SNAP91: variants seen among roughly 807,000 people sequenced by gnomAD.
SNAP91 encodes clathrin coat assembly protein AP180.
SNAP91 carries 27 observed loss-of-function variants against 100.3 expected under a neutral mutation model. The ratio of observed to expected loss-of-function variants is 0.27; its 90% CI spans 0.20 to 0.37. SNAP91 has a LOEUF of 0.37. Among genes scored for constraint, SNAP91 ranks in the 10% least tolerant of loss-of-function variants. The pLI is 1.00. For missense variants in SNAP91, 986 were observed against 1,123.7 expected (o/e 0.88, Z 1.75); for synonymous variants, 404 against 398.6 (o/e 1.01, Z -0.16).
chr6:83,580,481 A>T lies in SNAP91; in HGVS notation c.2268T>A (p.Asp756Glu), dbSNP rs747447845. The change falls in exon 24 of 30, where the codon GAT becomes GAA. Residue 756 changes from aspartate (D) to glutamate (E), a missense_variant. Physicochemically the swap from Asp to Glu is conservative, Grantham distance 45 (BLOSUM62 2). Coordinates refer to ENST00000369694, the MANE Select transcript of SNAP91 (RefSeq NM_001242792.2). Reference sequence around the variant, plus strand: ...CTAAGCTGGCAAGAGATGAATCAAGATCACTTCCAAGGGCTTTGCTGGCTG... The same window carrying T: ...CTAAGCTGGCAAGAGATGAATCAAGTTCACTTCCAAGGGCTTTGCTGGCTG... ...AMAASKALGS[D>E]LDSSLASLVG... 1 of 1,613,528 alleles carries T rather than the reference A, an allele frequency of 6.2e-7. No individual in the cohort carries two copies. Among genetic ancestry groups the T allele is most frequent in the Admixed American group, 1.7e-5 (1 of 59,986 alleles).
intron 2 of SNAP91, among the ~76,000 whole-genome samples, chr6:83,699,786 G>A (rs761971993): frequency 5.9e-5 from 9 of 152,152 alleles, no homozygotes; most frequent in East Asian, 1.9e-4. Context: ...TGCAGCCCCC[G>A]TCAAACAAAG....
chr6:83,575,145 GCAAA>G, intron 25 of SNAP91, 24 bp from the exon 26 acceptor site: 1 of 1,508,064 alleles, frequency 6.6e-7, no homozygotes, highest in Non-Finnish European at 9.1e-7. Flanking sequence ...TGCAAAACAA[GCAAA>G]CAAACAAAAA....
chr6:83,683,043 C>A (rs1178018654), intron 2 of SNAP91, among the ~76,000 whole-genome samples: 1 of 152,090 alleles, frequency 6.6e-6, no homozygotes, highest in Non-Finnish European at 1.5e-5. Flanking sequence ...AATGCCAAAA[C>A]CAATGGGCAC....
chr6:83,706,620 A>AT (rs2099386627), intron 2 of SNAP91, among the ~76,000 whole-genome samples: 1 of 152,252 alleles, frequency 6.6e-6, no homozygotes, highest in South Asian at 2.1e-4. Context: ...GCTTATGCAG[A>AT]TAATAGGGCT....
In SNAP91 at chr6:83,553,393, C is replaced by T; in HGVS notation, c.*903G>A. 1 of 152,254 alleles carries T rather than the reference C, an allele frequency of 6.6e-6. No homozygotes were observed. Among genetic ancestry groups the T allele is most frequent in the Non-Finnish European group, 1.5e-5 (1 of 67,996 alleles). 9.4% of individuals were successfully genotyped at this position (152,254 alleles called of 1,614,324 possible). A position where few individuals can be genotyped will look rare whatever the true frequency, so the allele number is the denominator to read the frequency against. ...AATTAACAGATGTACTAAAAACCCA[C>T]AGTAAAGTAAAGATATTTGCAGTAA... On this transcript the variant is annotated 3_prime_UTR_variant, in exon 30 of 30. Transcript: ENST00000369694.
At chr6:83,585,783 G>A (rs2092439434) in intron 22 of SNAP91, among the ~76,000 whole-genome samples, 1 of 151,660 alleles carries the variant, frequency 6.6e-6, no homozygotes, top group Admixed American at 6.6e-5. Context: ...AAGTCTGACT[G>A]TCATAGTCTA....
intron 13 of SNAP91, among the ~76,000 whole-genome samples, chr6:83,606,404 G>A (rs1471579224): frequency 6.6e-6 from 1 of 151,500 alleles, no homozygotes; most frequent in Non-Finnish European, 1.5e-5. Context: ...CTCAGTTGAG[G>A]CTGTGCTTTT....
intron 9 of SNAP91, among the ~76,000 whole-genome samples, chr6:83,620,927 T>A (rs535113963): frequency 1.3e-5 from 2 of 151,892 alleles, no homozygotes; most frequent in Non-Finnish European, 1.5e-5. Flanking sequence ...GTGGTCTCGA[T>A]CTCCTGAACT....
chr6:83,597,804 C>A (rs1037043492), intron 16 of SNAP91, among the ~76,000 whole-genome samples: 12 of 152,230 alleles, frequency 7.9e-5, no homozygotes, highest in African/African-American at 2.4e-5. Flanking sequence ...CCAAATGTCA[C>A]ATTCTGGTTC....
intron 8 of SNAP91, among the ~76,000 whole-genome samples, chr6:83,631,244 T>G (rs1169802787): frequency 2.6e-5 from 4 of 152,056 alleles, no homozygotes; most frequent in African/African-American, 9.7e-5. Flanking sequence ...TTATTGAGGG[T>G]CATTTTGTGG....
chr6:83,687,697 G>A (rs78660497), intron 2 of SNAP91, among the ~76,000 whole-genome samples: 6,281 of 152,232 alleles, frequency 0.041, 421 homozygotes, highest in African/African-American at 0.14. Flanking sequence ...TGTTGGGAAC[G>A]GGAGAAGGAC....
intron 2 of SNAP91, chr6:83,690,298 C>A: frequency 8.2e-7 from 1 of 1,217,926 alleles, no homozygotes; most frequent in Non-Finnish European, 1.0e-6. Context: ...TAACATATTT[C>A]TGAAGTATTT....
At chr6:83,597,340 T>C (rs1296705583) in intron 16 of SNAP91, among the ~76,000 whole-genome samples, 2 of 152,206 alleles carry the variant, frequency 1.3e-5, no homozygotes, top group Non-Finnish European at 1.5e-5. Context: ...GAGATAAAAT[T>C]TGAATTTGTT....
At chr6:83,575,567 C>T (rs545787202) in intron 25 of SNAP91, 7 of 220,036 alleles carry the variant, frequency 3.2e-5, no homozygotes, top group African/African-American at 1.2e-4. Flanking sequence ...TTACAGTGAT[C>T]GTAAGACACC....
At chr6:83,639,826 C>T (rs1162450916) in intron 8 of SNAP91, among the ~76,000 whole-genome samples, 4 of 152,000 alleles carry the variant, frequency 2.6e-5, no homozygotes, top group Admixed American at 6.6e-5. Context: ...ATCTGTTCTC[C>T]GTACTCAGGC....
At position 83,707,964 on chromosome 6, in the gene SNAP91, G is replaced by C; in HGVS notation, c.-30-7C>G. The C allele has an allele frequency of 6.5e-7, 1 of 1,543,822 alleles. No individual in the cohort carries two copies. Among genetic ancestry groups the C allele is most frequent in the Non-Finnish European group, 8.7e-7 (1 of 1,155,474 alleles). ...GCGTCTACCGCCTCCTCTTCTGCAGGAAACAAGGGGAGACGGTCCGGCTTT... is the reference window on the plus strand; with the variant it reads ...GCGTCTACCGCCTCCTCTTCTGCAGCAAACAAGGGGAGACGGTCCGGCTTT... On this transcript the variant is annotated splice_region_variant and splice_polypyrimidine_tract_variant and intron_variant, in intron 1 of 29. Coordinates refer to ENST00000369694, the MANE Select transcript of SNAP91 (RefSeq NM_001242792.2).
In SNAP91 at chr6:83,593,541, TGGTGGCAGCGGC is replaced by T. The variant is rs778263073; in HGVS notation, c.1621_1632del (p.Ala541_Thr544del). The T allele has an allele frequency of 4.3e-5, 67 of 1,553,108 alleles. No individual in the cohort carries two copies. In the African/African-American group the frequency reaches 6.7e-4, roughly 16 times the overall value. ...GTGGCAGCGGAGGTGGTGGTAGTGG[TGGTGGCAGCGGC>T]GGTGGCAGCAGTAGTGGCAGCAGCA... On this transcript the variant is annotated inframe_deletion, in exon 18 of 30. Transcript: ENST00000369694.
chr6:83,684,055 C>T lies in SNAP91; in HGVS notation c.131-18474G>A, dbSNP rs75288444. On this transcript the variant is annotated intron_variant, in intron 2 of 29. Transcript: ENST00000369694. Reference sequence around the variant, plus strand: ...CCATTTTTCTCCTTCTATTTTTAATCAGCTCTCAAAAGTATAGTTCTAAAT... The same window carrying T: ...CCATTTTTCTCCTTCTATTTTTAATTAGCTCTCAAAAGTATAGTTCTAAAT... Among the ~76,000 whole-genome samples the T allele has an allele frequency of 6.4e-3, 971 of 152,250 alleles. 10 individuals are homozygous for T. The highest frequency in any genetic ancestry group is 0.022 in the African/African-American group (931 of 41,576).
intron 8 of SNAP91, among the ~76,000 whole-genome samples, chr6:83,631,514 G>A (rs985143076): frequency 6.6e-6 from 1 of 151,994 alleles, no homozygotes; most frequent in African/African-American, 2.4e-5. Context: ...ACAAACTTGG[G>A]AGCTCCAGTG....
Sources: allele counts gnomAD v4.1 joint callset (sites outside exome capture counted in the v4.1 genomes callset), GRCh38; gene constraint gnomAD v4.1.1; transcripts MANE v1.5; gene names NCBI Gene and HGNC (gene_info 2026-07-23, HGNC 2026-07-21).